PTPRG: variants seen among roughly 807,000 people sequenced by gnomAD.
PTPRG encodes protein tyrosine phosphatase receptor type G.
In PTPRG, 102 loss-of-function variants were observed where a neutral mutation model predicts 165.3. That is an observed-to-expected ratio of 0.62 (90% confidence interval 0.53 to 0.73). The LOEUF (loss-of-function observed/expected upper bound fraction) is 0.73, where lower values mean the gene tolerates loss of function less well. Ranked by LOEUF, PTPRG falls within the 30% of genes least tolerant of loss-of-function variation. The pLI is 0.00. For synonymous variants in PTPRG, 675 were observed against 669.5 expected (o/e 1.01, Z -0.13); for missense variants, 1,866 against 1,861.4 (o/e 1.00, Z -0.05).
At chr3:61,748,738 T>C (rs1185677284) in intron 1 of PTPRG, 140 bp from the exon 2 acceptor site, 25 of 617,186 alleles carry the variant, frequency 4.1e-5, no homozygotes, top group Admixed American at 2.3e-4. Flanking sequence ...TTTTTTTTTT[T>C]TTGTAAAATA....
intron 2 of PTPRG, among the ~76,000 whole-genome samples, chr3:61,818,998 T>C (rs556905143): frequency 6.6e-6 from 1 of 152,054 alleles, no homozygotes; most frequent in Non-Finnish European, 1.5e-5. Context: ...AGAGAAAGTA[T>C]GGGTCATTCA....
intron 2 of PTPRG, among the ~76,000 whole-genome samples, chr3:61,946,153 T>A (rs927421968): frequency 6.6e-6 from 1 of 152,186 alleles, no homozygotes; most frequent in African/African-American, 2.4e-5. Context: ...GGGATTAATA[T>A]TTTGTGTCTT....
At chr3:62,267,976 G>A (rs573503755) in intron 19 of PTPRG, among the ~76,000 whole-genome samples, 157 bp downstream of exon 19, 1 of 152,224 alleles carries the variant, frequency 6.6e-6, no homozygotes, top group South Asian at 2.1e-4. Context: ...CAGAAGGAAA[G>A]AGAGCTAAGG....
At chr3:62,201,777 A>G (rs1251447653) in intron 11 of PTPRG, among the ~76,000 whole-genome samples, 2 of 152,208 alleles carry the variant, frequency 1.3e-5, no homozygotes, top group African/African-American at 4.8e-5. Flanking sequence ...TGTGAAGGTA[A>G]AAATTCTTCA....
Position 62,051,251 on chromosome 3 carries a change from A to G in PTPRG, c.520-26912A>G, listed in dbSNP as rs193235614. Among the ~76,000 whole-genome samples, 121 of 152,288 alleles carry G rather than the reference A, an allele frequency of 7.9e-4. 1 individual carries two copies. Among genetic ancestry groups the G allele is most frequent in the African/African-American group, 2.8e-3 (116 of 41,558 alleles). ...GAGTCTCACTGTCAAATTGATTTCA[A>G]TTTGGATTGCTCTGGTTACTAATTT... On this transcript the variant is annotated intron_variant, in intron 4 of 29. Transcript: ENST00000474889.
intron 2 of PTPRG, among the ~76,000 whole-genome samples, chr3:61,874,772 CA>C (rs2037686442): frequency 6.6e-6 from 1 of 152,076 alleles, no homozygotes; most frequent in Admixed American, 6.6e-5. Context: ...TGATCTAGCC[CA>C]AAATATTAAC....
At chr3:62,075,259 T>G (rs1000287510) in intron 4 of PTPRG, among the ~76,000 whole-genome samples, 3 of 152,228 alleles carry the variant, frequency 2.0e-5, no homozygotes, top group African/African-American at 7.2e-5. Context: ...GGCTGAAGTA[T>G]AAGAAAGCCT....
intron 5 of PTPRG, among the ~76,000 whole-genome samples, chr3:62,104,334 T>C (rs551371654): frequency 5.3e-5 from 8 of 152,350 alleles, no homozygotes; most frequent in African/African-American, 1.9e-4. Context: ...TGTCTTCTTT[T>C]GCTTTGTTTT....
chr3:61,993,145 C>T (rs564548029), intron 3 of PTPRG, among the ~76,000 whole-genome samples: 1 of 151,108 alleles, frequency 6.6e-6, no homozygotes, highest in African/African-American at 2.4e-5. Context: ...TGATAGGTAA[C>T]CTATTTCTTT....
chr3:62,185,392 C>A (rs1008850146), intron 8 of PTPRG, among the ~76,000 whole-genome samples: 1 of 152,126 alleles, frequency 6.6e-6, no homozygotes, highest in African/African-American at 2.4e-5. Flanking sequence ...TATCAGACTT[C>A]CCTTTGTTAG....
At chr3:62,153,231 C>T (rs189712651) in intron 6 of PTPRG, among the ~76,000 whole-genome samples, 1 of 152,354 alleles carries the variant, frequency 6.6e-6, no homozygotes, top group East Asian at 1.9e-4. Context: ...TGTACCTCAT[C>T]TGGGCTTGTG....
chr3:61,611,943 G>T (rs935809072), intron 1 of PTPRG, among the ~76,000 whole-genome samples: 35 of 152,054 alleles, frequency 2.3e-4, no homozygotes, highest in African/African-American at 7.5e-4. Flanking sequence ...TGCTGTAAGG[G>T]TTTTTTGTTT....
chr3:61,947,234 G>A (rs913738754), intron 2 of PTPRG, among the ~76,000 whole-genome samples: 6 of 152,140 alleles, frequency 3.9e-5, no homozygotes, highest in East Asian at 3.9e-4. Flanking sequence ...TTTGTGGTTG[G>A]CCTGTGTAAT....
intron 2 of PTPRG, among the ~76,000 whole-genome samples, chr3:61,907,140 A>G (rs115130321): frequency 0.041 from 6,065 of 149,406 alleles, 153 homozygotes; most frequent in Middle Eastern, 0.077. Flanking sequence ...AACTTCCCCC[A>G]CCCCTTTTTT....
At chr3:61,807,561 T>C (rs1346388694) in intron 2 of PTPRG, among the ~76,000 whole-genome samples, 7 of 152,236 alleles carry the variant, frequency 4.6e-5, no homozygotes, top group Non-Finnish European at 1.0e-4. Context: ...AGTAGTTAGC[T>C]GAATTTTATA....
Position 62,203,740 on chromosome 3 carries a change from A to G in PTPRG, c.1945A>G (p.Thr649Ala), listed in dbSNP as rs199980261. 7 of 1,600,708 alleles carry G rather than the reference A, an allele frequency of 4.4e-6. No individual in the cohort carries two copies. The East Asian group carries it at 1.4e-4, about 31-fold the overall frequency. Residue 649 changes from threonine to alanine, a missense_variant, in exon 12 of 30, where the codon ACT (threonine) becomes GCT (alanine). By Grantham distance (58) the Thr-to-Ala change is moderately conservative (BLOSUM62 0). Around this residue, in one of 3 missense-constraint regions of PTPRG, gnomAD observed 1,452 missense variants for 1,463.0 expected, o/e 0.99. Transcript: ENST00000474889. This position sits in a 1 kb window ranked among gnomAD's most constrained non-coding sequence, Gnocchi z 6.4. ...QTIPGHEQDH[T>A]AVPTDQTGGR... ...TATACCTGGGCATGAGCAGGATCAC[A>G]CTGCCGTCCCCACAGACCAGACGGG...
chr3:62,142,409 T>C (rs950270154), intron 6 of PTPRG, among the ~76,000 whole-genome samples: 3 of 152,036 alleles, frequency 2.0e-5, no homozygotes, highest in Non-Finnish European at 4.4e-5. Context: ...TTCTGAGTGT[T>C]GGTCACACAC....
chr3:62,164,488 G>A (rs561420817), intron 7 of PTPRG, among the ~76,000 whole-genome samples: 79 of 152,226 alleles, frequency 5.2e-4, no homozygotes, highest in African/African-American at 1.8e-3. Context: ...CCCACAGAAG[G>A]ACATTTGATG....
At chr3:61,585,712 A>G (rs1700419401) in intron 1 of PTPRG, among the ~76,000 whole-genome samples, 2 of 152,332 alleles carry the variant, frequency 1.3e-5, no homozygotes, top group South Asian at 4.1e-4. Flanking sequence ...GTGCCACCAC[A>G]CTCCAGCCTG....
Sources: gnomAD v4.1 joint callset for allele counts (sites outside exome capture counted in the v4.1 genomes callset) on GRCh38, gnomAD v4.1.1 for gene constraint, gnomAD v4.1.1 regional missense constraint, Gnocchi (gnomAD v3.1) non-coding constraint, MANE v1.5 for transcripts, NCBI Gene and HGNC (gene_info 2026-07-23, HGNC 2026-07-21) for gene names.